ZNF610: variants seen among roughly 807,000 people sequenced by gnomAD.
ZNF610 encodes zink finger protein.
Under a neutral mutation model 14.1 loss-of-function variants are expected in ZNF610, and 14 were observed. That is an observed-to-expected ratio of 0.99 (90% CI 0.65 to 1.55). The LOEUF (loss-of-function observed/expected upper bound fraction) is 1.55, where lower values mean the gene tolerates loss of function less well. Ranked by LOEUF, ZNF610 falls within the 40% of genes most tolerant of loss-of-function variation. The pLI is 0.00. For missense variants in ZNF610, 530 were observed against 558.0 expected (o/e 0.95, Z 0.51); for synonymous variants, 185 against 187.6 (o/e 0.99, Z 0.11).
intron 1 of ZNF610, among the ~76,000 whole-genome samples, chr19:52,344,335 C>T (rs976745779): frequency 3.9e-5 from 6 of 152,066 alleles, no homozygotes; most frequent in East Asian, 1.9e-4. Flanking sequence ...CCATAGCCCC[C>T]GATTTAACAC....
chr19:52,362,366 G>A (rs1304052860), intron 5 of ZNF610, among the ~76,000 whole-genome samples: 7 of 152,174 alleles, frequency 4.6e-5, no homozygotes, highest in South Asian at 2.1e-4. Flanking sequence ...AGCCGAGATC[G>A]CACCACTGCA....
chr19:52,340,414 G>A lies in ZNF610; in HGVS notation c.-258+3908G>A, dbSNP rs1337589740. ...GGGAAAACACACATTTTGGTGATGG[G>A]CGGCATAGTATTCTGTGCTGAATTT... is the stretch of plus-strand genomic sequence containing the variant. On this transcript the variant is annotated intron_variant, in intron 1 of 5. Coordinates refer to ENST00000403906, the MANE Select transcript of ZNF610 (RefSeq NM_001161425.2). Among the ~76,000 whole-genome samples, 3 of 152,186 alleles carry A rather than the reference G, an allele frequency of 2.0e-5. No individual in the cohort carries two copies. In the South Asian group the frequency reaches 6.2e-4, roughly 32 times the overall value.
the ZNF610 span, among the ~76,000 whole-genome samples, chr19:52,331,135 A>C: frequency 2.0e-5 from 3 of 152,204 alleles, no homozygotes; most frequent in African/African-American, 7.2e-5. Context: ...TATAGCTGAG[A>C]AACCTGACAG....
intron 1 of ZNF610, among the ~76,000 whole-genome samples, chr19:52,346,178 G>GT (rs916205230): frequency 3.4e-5 from 5 of 148,902 alleles, no homozygotes; most frequent in East Asian, 2.0e-4. Context: ...TTTGTATTTT[G>GT]TTTTTTTTGT....
chr19:52,331,038 A>G, the ZNF610 span, among the ~76,000 whole-genome samples: 1 of 152,200 alleles, frequency 6.6e-6, no homozygotes, highest in African/African-American at 2.4e-5. Context: ...TGGAATACAC[A>G]TAACTCCCAA....
chr19:52,354,788 A>G (rs1285053430), intron 5 of ZNF610, among the ~76,000 whole-genome samples: 1 of 151,870 alleles, frequency 6.6e-6, no homozygotes, highest in African/African-American at 2.4e-5. Flanking sequence ...CATGTTGGAC[A>G]GGTGGGTCTC....
chr19:52,351,013 A>G (rs1426947644), intron 3 of ZNF610, among the ~76,000 whole-genome samples: 1 of 152,206 alleles, frequency 6.6e-6, no homozygotes, highest in African/African-American at 2.4e-5. Flanking sequence ...ATATATTTAT[A>G]CAGCATTATG....
chr19:52,334,936 A>AACACACACCCACACACACACACACACAC (rs1984300625), upstream of ZNF610, among the ~76,000 whole-genome samples: 1 of 41,536 alleles, frequency 2.4e-5, no homozygotes, highest in Non-Finnish European at 5.0e-5. Flanking sequence ...CTCAAAAACA[A>AACACACACCCACACACACACACACACAC]ACACACACAC....
chr19:52,338,713 T>C (rs376250593), intron 1 of ZNF610, among the ~76,000 whole-genome samples: 3 of 152,112 alleles, frequency 2.0e-5, no homozygotes, highest in Non-Finnish European at 2.9e-5. Context: ...TGTTTTTTTT[T>C]CTTTGAGACG....
chr19:52,361,480 A>G (rs192678477), intron 5 of ZNF610, among the ~76,000 whole-genome samples: 1 of 151,968 alleles, frequency 6.6e-6, no homozygotes, highest in East Asian at 1.9e-4. Flanking sequence ...CCCGGCCACA[A>G]TCTCATTTTC....
At chr19:52,363,331 A>G (rs1349153543) in intron 5 of ZNF610, among the ~76,000 whole-genome samples, 1 of 152,086 alleles carries the variant, frequency 6.6e-6, no homozygotes, top group African/African-American at 2.4e-5. Flanking sequence ...GGGTTTCGCC[A>G]TGTTGGCCAG....
At chr19:52,349,717 C>G (rs1985156258) in intron 3 of ZNF610, among the ~76,000 whole-genome samples, 1 of 152,004 alleles carries the variant, frequency 6.6e-6, no homozygotes, top group Admixed American at 6.6e-5. Flanking sequence ...TTACAGGTGC[C>G]TGCCACCACG....
chr19:52,364,659 T>A (rs1054586693), intron 5 of ZNF610, among the ~76,000 whole-genome samples: 1 of 152,180 alleles, frequency 6.6e-6, no homozygotes, highest in African/African-American at 2.4e-5. Flanking sequence ...ATGCCCCGCC[T>A]TCCCCCATGT....
At chr19:52,348,366 G>A (rs1235598666) in intron 2 of ZNF610, among the ~76,000 whole-genome samples, 3 of 151,992 alleles carry the variant, frequency 2.0e-5, no homozygotes, top group East Asian at 1.9e-4. Flanking sequence ...TTGTTTTCTT[G>A]TATTATTTTC....
upstream of ZNF610, among the ~76,000 whole-genome samples, chr19:52,332,274 C>A (rs1390364472): frequency 6.6e-6 from 1 of 152,204 alleles, no homozygotes; most frequent in Non-Finnish European, 1.5e-5. The surrounding 1 kb of genome is among the most constrained non-coding windows in gnomAD (Gnocchi z 4.1). Flanking sequence ...CACTAACTAA[C>A]CTCCTGCAGA....
chr19:52,342,951 C>T (rs1200963599), intron 1 of ZNF610, among the ~76,000 whole-genome samples: 1 of 152,104 alleles, frequency 6.6e-6, no homozygotes, highest in African/African-American at 2.4e-5. Flanking sequence ...CTTATGATCT[C>T]GTCTTACAGC....
chr19:52,351,509 G>A (rs1476107377), intron 3 of ZNF610, among the ~76,000 whole-genome samples: 3 of 150,564 alleles, frequency 2.0e-5, no homozygotes, highest in East Asian at 1.9e-4. Flanking sequence ...TGTGCCTGGC[G>A]TGGTTCAGGG....
intron 1 of ZNF610, among the ~76,000 whole-genome samples, chr19:52,340,888 C>T (rs948506180): frequency 1.8e-4 from 28 of 151,950 alleles, no homozygotes; most frequent in African/African-American, 6.0e-4. Flanking sequence ...ACCATGTTGG[C>T]CAGGCTGGTC....
rs1039003626 is a variant in ZNF610 at position 52,336,356 on chromosome 19, C to T, written c.-408C>T. ...TCCCCCGCGCTTCTGTACCCGGGAT[C>T]TGAGAGTCAACACAGACCTTGAAAT... On this transcript the variant is annotated 5_prime_UTR_variant, in exon 1 of 6. Coordinates refer to ENST00000403906, the MANE Select transcript of ZNF610 (RefSeq NM_001161425.2). 2 of 281,518 alleles carry T rather than the reference C, an allele frequency of 7.1e-6. No individual in the cohort carries two copies. Among genetic ancestry groups the T allele is most frequent in the African/African-American group, 2.4e-5 (1 of 42,464 alleles). The allele number at this position is 281,518 out of a possible 1,614,324, so 17.4% of individuals were successfully genotyped here.
Sources: allele counts gnomAD v4.1 joint callset (sites outside exome capture counted in the v4.1 genomes callset), GRCh38; gene constraint gnomAD v4.1.1; non-coding constraint Gnocchi (gnomAD v3.1); transcripts MANE v1.5; gene names NCBI Gene and HGNC (gene_info 2026-07-23, HGNC 2026-07-21).